The following MTUS2 variants were observed in gnomAD, a reference collection of about 807,000 sequenced individuals.
The protein encoded by MTUS2 is microtubule associated scaffold protein 2.
A neutral mutation model predicts 114.1 loss-of-function variants in MTUS2; 40 were observed. That is an observed-to-expected ratio of 0.35 (90% CI 0.27 to 0.46). The LOEUF (loss-of-function observed/expected upper bound fraction) is 0.46, where lower values mean the gene tolerates loss of function less well. Ranked by LOEUF, MTUS2 falls within the 20% of genes least tolerant of loss-of-function variation. The probability of loss-of-function intolerance (pLI) is 1.00; values close to 1 mark genes in which losing one functional copy is unlikely to be tolerated. For missense variants in MTUS2, 1,679 were observed against 1,705.4 expected, an observed-to-expected ratio of 0.98 and a Z score of 0.27; for synonymous variants, 688 against 672.0, an observed-to-expected ratio of 1.02 and a Z score of -0.37.
chr13:29,291,113 C>A (rs1566112767), intron 6 of MTUS2, among the ~76,000 whole-genome samples: 1 of 152,308 alleles, frequency 6.6e-6, no homozygotes, highest in Middle Eastern at 3.4e-3. Flanking sequence ...CTGTTCCAAG[C>A]CTCTTGTGGA....
intron 2 of MTUS2, among the ~76,000 whole-genome samples, chr13:28,895,910 C>A (rs374301150): frequency 2.0e-5 from 3 of 152,244 alleles, no homozygotes; most frequent in Admixed American, 6.5e-5. Context: ...ATATTTCCAC[C>A]GGCTCAGGAA....
At chr13:29,495,153 C>A (rs1173842158) in intron 12 of MTUS2, among the ~76,000 whole-genome samples, 1 of 126,180 alleles carries the variant, frequency 7.9e-6, no homozygotes, top group African/African-American at 3.0e-5. Context: ...CACTGCACTC[C>A]AACCTGGACA....
intron 2 of MTUS2, among the ~76,000 whole-genome samples, chr13:28,851,466 A>C (rs180920355): frequency 1.1e-4 from 16 of 152,328 alleles, no homozygotes; most frequent in Non-Finnish European, 1.9e-4. Flanking sequence ...ATAATTAAGA[A>C]AACATGTACT....
At chr13:29,371,491 T>A (rs966360535) in intron 8 of MTUS2, among the ~76,000 whole-genome samples, 1 of 152,236 alleles carries the variant, frequency 6.6e-6, no homozygotes, top group Non-Finnish European at 1.5e-5. Context: ...GTGCTGGGAT[T>A]ACAGGCGTGA....
chr13:29,341,108 CAT>C (rs1385320584), intron 7 of MTUS2, among the ~76,000 whole-genome samples: 5 of 152,218 alleles, frequency 3.3e-5, no homozygotes, highest in East Asian at 1.9e-4. Flanking sequence ...CTGCTCTACA[CAT>C]GTGTGTGCAA....
intron 5 of MTUS2, among the ~76,000 whole-genome samples, chr13:29,205,697 A>G (rs1316175914): frequency 1.3e-5 from 2 of 152,244 alleles, no homozygotes; most frequent in Non-Finnish European, 2.9e-5. Context: ...ACTTAGAATA[A>G]TGGTCTCCAA....
chr13:29,264,454 T>C (rs35974887), intron 5 of MTUS2, among the ~76,000 whole-genome samples: 2,004 of 152,362 alleles, frequency 0.013, 28 homozygotes, highest in East Asian at 0.081. Context: ...CAGTGCCCCA[T>C]TGGGGACTCT....
At chr13:29,141,832 A>C (rs1319193087) in intron 5 of MTUS2, among the ~76,000 whole-genome samples, 1 of 152,138 alleles carries the variant, frequency 6.6e-6, no homozygotes, top group African/African-American at 2.4e-5. Context: ...CTGTTATCCA[A>C]AACAGCTTGA....
At chr13:29,278,227 C>T (rs1898137555) in intron 5 of MTUS2, among the ~76,000 whole-genome samples, 1 of 152,140 alleles carries the variant, frequency 6.6e-6, no homozygotes, top group African/African-American at 2.4e-5. Flanking sequence ...AGGAGAACAT[C>T]TTTATGATTT....
intron 5 of MTUS2, among the ~76,000 whole-genome samples, chr13:29,274,280 T>C (rs1048585676): frequency 6.6e-6 from 1 of 151,958 alleles, no homozygotes; most frequent in African/African-American, 2.4e-5. Flanking sequence ...CTGGCTAATT[T>C]TTTGTATTTT....
Position 29,504,912 on chromosome 13 carries a change from C to A in MTUS2, c.*1706C>A, listed in dbSNP as rs1883136245. The A allele has an allele frequency of 4.3e-6, 1 of 232,436 alleles. No individual in the cohort carries two copies. The highest frequency in any genetic ancestry group is 1.8e-4 in the South Asian group (1 of 5,524). The allele number at this position is 232,436 out of a possible 1,614,324, so 14.4% of individuals were successfully genotyped here. ...ACGGGGTCGGCTTGTCCAGGGCACGCCTGCTCGGCACACGTGTTGCCAACG... is the reference window on the plus strand; with the variant it reads ...ACGGGGTCGGCTTGTCCAGGGCACGACTGCTCGGCACACGTGTTGCCAACG... On this transcript the variant is annotated 3_prime_UTR_variant, in exon 16 of 16. Coordinates refer to ENST00000612955, the MANE Select transcript of MTUS2 (RefSeq NM_001033602.4).
At chr13:29,500,961 A>AC (rs1274594895) in intron 14 of MTUS2, 136 bp from the exon 15 acceptor site, 23 of 617,774 alleles carry the variant, frequency 3.7e-5, no homozygotes, top group Non-Finnish European at 6.6e-5. Context: ...TGATTTTAAA[A>AC]CCCACTAAAG....
intron 8 of MTUS2, among the ~76,000 whole-genome samples, chr13:29,390,803 G>A (rs972678933): frequency 6.9e-6 from 1 of 144,234 alleles, no homozygotes; most frequent in Non-Finnish European, 1.5e-5. Context: ...TGATGATTGA[G>A]ATGTAGTGTC....
intron 2 of MTUS2, among the ~76,000 whole-genome samples, chr13:28,900,369 C>T (rs562416224): frequency 9.2e-5 from 14 of 152,210 alleles, no homozygotes; most frequent in Middle Eastern, 3.4e-3. Context: ...CTACCACAGG[C>T]GAGATTCTGA....
At chr13:29,220,003 T>G (rs2139317644) in intron 5 of MTUS2, among the ~76,000 whole-genome samples, 1 of 152,292 alleles carries the variant, frequency 6.6e-6, no homozygotes, top group Non-Finnish European at 1.5e-5. Context: ...AGCACTTTTT[T>G]TTTTTTTTTG....
chr13:29,371,420 G>A (rs968236040), intron 8 of MTUS2, among the ~76,000 whole-genome samples: 1 of 152,036 alleles, frequency 6.6e-6, no homozygotes, highest in African/African-American at 2.4e-5. Flanking sequence ...GTTTCACCAT[G>A]TTGGCCAGGC....
In MTUS2 at chr13:29,496,720, C is replaced by T. The variant is rs976578083; in HGVS notation, c.3580-518C>T. 3.9e-4 allele frequency among the ~76,000 whole-genome samples: 59 copies of T among 152,212 alleles called. No individual in the cohort carries two copies. The highest frequency in any genetic ancestry group is 6.8e-3 in the Middle Eastern group (2 of 294). Reference sequence around the variant, plus strand: ...GGACTCTGTGGGTTCTAGGGACATTCAGGAGGCAGGATGGCAGGAGTTGAT... The same window carrying T: ...GGACTCTGTGGGTTCTAGGGACATTTAGGAGGCAGGATGGCAGGAGTTGAT... On this transcript the variant is annotated intron_variant, in intron 12 of 15. Coordinates refer to ENST00000612955, the MANE Select transcript of MTUS2 (RefSeq NM_001033602.4). The surrounding 1 kb of genome is among the most constrained non-coding windows in gnomAD (Gnocchi z 4.3).
chr13:29,237,525 A>G (rs1274069521), intron 5 of MTUS2, among the ~76,000 whole-genome samples: 1 of 152,222 alleles, frequency 6.6e-6, no homozygotes, highest in East Asian at 1.9e-4. Context: ...TTGGTGGGTA[A>G]GTCTCTCCAG....
intron 5 of MTUS2, among the ~76,000 whole-genome samples, chr13:29,120,007 A>G (rs1891240682): frequency 6.6e-6 from 1 of 152,224 alleles, no homozygotes; most frequent in African/African-American, 2.4e-5. Context: ...ATAAATGCAC[A>G]TTCATAAGAA....
Sources: gnomAD v4.1 joint callset for allele counts (sites outside exome capture counted in the v4.1 genomes callset) on GRCh38, gnomAD v4.1.1 for gene constraint, Gnocchi (gnomAD v3.1) non-coding constraint, MANE v1.5 for transcripts, NCBI Gene and HGNC (gene_info 2026-07-23, HGNC 2026-07-21) for gene names.